Variants in PRUNE2 observed in about 807,000 individuals in gnomAD.
PRUNE2 encodes the protein protein prune homolog 2.
PRUNE2 carries 164 observed loss-of-function variants against 252.0 expected under a neutral mutation model. The observed-to-expected ratio is 0.65, with a 90% confidence interval of 0.57 to 0.74. The LOEUF (loss-of-function observed/expected upper bound fraction) is 0.74, where lower values mean the gene tolerates loss of function less well. PRUNE2 is among the 30% of genes least tolerant of loss of function. The probability of loss-of-function intolerance (pLI) is 0.00; values close to 1 mark genes in which losing one functional copy is unlikely to be tolerated. For synonymous variants in PRUNE2, 1,292 were observed against 1,350.2 expected (o/e 0.96, Z 0.94); for missense variants, 3,495 against 3,711.0 (o/e 0.94, Z 1.51).
At chr9:76,675,207 C>G (rs1485137026) in intron 9 of PRUNE2, among the ~76,000 whole-genome samples, 2 of 65,992 alleles carry the variant, frequency 3.0e-5, no homozygotes, top group Non-Finnish European at 3.9e-5. Flanking sequence ...TGAACTCAAA[C>G]AAATTTACAA....
At chr9:76,763,058 C>T (rs887968779) in intron 6 of PRUNE2, among the ~76,000 whole-genome samples, 7 of 152,204 alleles carry the variant, frequency 4.6e-5, no homozygotes, top group Non-Finnish European at 1.0e-4. Flanking sequence ...ACCATCTCCC[C>T]TTCTAGCTCC....
chr9:76,886,188 TAA>T (rs755268467), intron 1 of PRUNE2, among the ~76,000 whole-genome samples: 32 of 126,634 alleles, frequency 2.5e-4, no homozygotes, highest in Middle Eastern at 3.8e-3. Context: ...CCGTCTAAAT[TAA>T]AAAAAAAAAA....
intron 1 of PRUNE2, among the ~76,000 whole-genome samples, chr9:76,861,786 A>AT (rs141659920): frequency 0.014 from 1,913 of 137,124 alleles, 13 homozygotes; most frequent in South Asian, 0.031. Flanking sequence ...TATTTACAGC[A>AT]TTTTTTTTTT....
chr9:76,774,460 T>TATTTATTTA lies in PRUNE2; in HGVS notation c.756+49171_756+49172insTAAATAAAT, dbSNP rs1564272674. On this transcript the variant is annotated intron_variant, in intron 6 of 18. Transcript: ENST00000376718. Reference sequence around the variant, plus strand: ...GCCTCCAGTTCAACCCTTTTTTTTTTTTTTTTTTTTTTTTTTTGAGATGGA... The same window carrying TATTTATTTA: ...GCCTCCAGTTCAACCCTTTTTTTTTTATTTATTTATTTTTTTTTTTTTTTTTGAGATGGA... Among the ~76,000 whole-genome samples, 58 of 138,632 alleles carry TATTTATTTA rather than the reference T, an allele frequency of 4.2e-4. 1 individual carries two copies. Among genetic ancestry groups the TATTTATTTA allele is most frequent in the South Asian group, 9.3e-4 (4 of 4,294 alleles). 90.9% of individuals were successfully genotyped at this position (138,632 alleles called of 152,430 possible). A position where few individuals can be genotyped will look rare whatever the true frequency, so the allele number is the denominator to read the frequency against.
intron 6 of PRUNE2, among the ~76,000 whole-genome samples, chr9:76,733,262 A>G (rs192152498): frequency 6.6e-6 from 1 of 152,334 alleles, no homozygotes; most frequent in East Asian, 1.9e-4. Flanking sequence ...CTGCACATCA[A>G]CACAGCTTCA....
chr9:76,638,402 G>C (rs1841081256), intron 12 of PRUNE2, 114 bp from the exon 13 acceptor site: 1 of 692,836 alleles, frequency 1.4e-6, no homozygotes, highest in African/African-American at 1.8e-5. Flanking sequence ...GGGTATATTA[G>C]CAGCATGAAA....
intron 18 of PRUNE2, among the ~76,000 whole-genome samples, chr9:76,617,340 C>T (rs1830191616): frequency 6.6e-6 from 1 of 152,166 alleles, no homozygotes; most frequent in Non-Finnish European, 1.5e-5. Flanking sequence ...ATTGGAAGAA[C>T]CCTTGCCCAT....
chr9:76,626,194 G>T (rs1013788342), intron 16 of PRUNE2, among the ~76,000 whole-genome samples: 4 of 152,170 alleles, frequency 2.6e-5, no homozygotes, highest in African/African-American at 7.2e-5. Flanking sequence ...TTAAGTGTTT[G>T]CAGTGACTTT....
Position 76,710,840 on chromosome 9 carries a change from C to T in PRUNE2, c.1434G>A (p.Ala478=), listed in dbSNP as rs776887297. The T allele has an allele frequency of 2.4e-5, 37 of 1,545,240 alleles. No homozygotes were observed. The highest frequency in any genetic ancestry group is 8.0e-5 in the Admixed American group (4 of 50,058). Residue 478 remains alanine, a synonymous_variant, in exon 8 of 19, where the codon GCG becomes GCA. Coordinates refer to ENST00000376718, the MANE Select transcript of PRUNE2 (RefSeq NM_015225.3). ...GTTCTCCAGACCATGCATGTTCCTC[C>T]GCCACCGCCCCTTCAGGGATGGGGC... ...SYSPIPEGAV[A]EEHAWSGEHG... is the part of the protein sequence containing the mutation.
intron 9 of PRUNE2, among the ~76,000 whole-genome samples, chr9:76,672,445 T>G (rs1329206525): frequency 7.5e-6 from 1 of 133,048 alleles, no homozygotes; most frequent in Non-Finnish European, 1.6e-5. Context: ...CTCCCACACA[T>G]TAATAATGGG....
intron 6 of PRUNE2, chr9:76,737,989 C>T (rs2049228243): frequency 1.3e-5 from 2 of 152,154 alleles, no homozygotes; most frequent in Non-Finnish European, 2.9e-5. Context: ...TTTTAAGAGA[C>T]TTTAATAGCA....
chr9:76,720,989 T>C (rs567369856), intron 6 of PRUNE2, among the ~76,000 whole-genome samples: 10 of 152,250 alleles, frequency 6.6e-5, no homozygotes, highest in African/African-American at 1.9e-4. Flanking sequence ...TAGTCCCAGC[T>C]ACTCGGAGAG....
chr9:76,735,160 T>C (rs1017725393), intron 6 of PRUNE2, among the ~76,000 whole-genome samples: 2 of 152,182 alleles, frequency 1.3e-5, no homozygotes, highest in African/African-American at 2.4e-5. Context: ...TATCAGAAGC[T>C]AGATCTATCC....
At chr9:76,855,082 A>AAATAT (rs1490285240) in intron 1 of PRUNE2, among the ~76,000 whole-genome samples, 35 of 109,416 alleles carry the variant, frequency 3.2e-4, no homozygotes, top group Admixed American at 4.0e-4. Flanking sequence ...AAAAAAAAAA[A>AAATAT]ATATATATAT....
intron 6 of PRUNE2, among the ~76,000 whole-genome samples, chr9:76,822,514 A>G (rs1383007187): frequency 6.6e-6 from 1 of 152,216 alleles, no homozygotes; most frequent in African/African-American, 2.4e-5. Flanking sequence ...CACCATGAGA[A>G]AAAGAAGAAT....
intron 6 of PRUNE2, among the ~76,000 whole-genome samples, chr9:76,729,675 A>G (rs1030719238): frequency 6.6e-5 from 10 of 152,186 alleles, no homozygotes; most frequent in African/African-American, 9.6e-5. Flanking sequence ...AAAATAAAAT[A>G]AAACGATCTT....
intron 6 of PRUNE2, among the ~76,000 whole-genome samples, chr9:76,724,675 T>C (rs991598202): frequency 2.0e-5 from 3 of 152,156 alleles, no homozygotes; most frequent in Admixed American, 1.3e-4. Flanking sequence ...TAATAATAGA[T>C]TGAATACTTG....
intron 5 of PRUNE2, among the ~76,000 whole-genome samples, chr9:76,826,246 G>A (rs897409329): frequency 3.9e-5 from 6 of 152,186 alleles, no homozygotes; most frequent in African/African-American, 7.2e-5. Flanking sequence ...GGCCGATGCA[G>A]GTGGATGACT....
At chr9:76,875,443 G>A (rs2061424339) in intron 1 of PRUNE2, among the ~76,000 whole-genome samples, 1 of 152,126 alleles carries the variant, frequency 6.6e-6, no homozygotes, top group Non-Finnish European at 1.5e-5. Flanking sequence ...TCGGCTCACT[G>A]CAACCTCCGC....
Sources: gnomAD v4.1 joint callset for allele counts (sites outside exome capture counted in the v4.1 genomes callset) on GRCh38, gnomAD v4.1.1 for gene constraint, MANE v1.5 for transcripts, NCBI Gene and HGNC (gene_info 2026-07-23, HGNC 2026-07-21) for gene names.